The following SH3D21 variants were observed in gnomAD, a reference collection of about 807,000 sequenced individuals.
SH3D21 encodes manchette microtubule inner protein 1.
SH3D21 carries 83 observed loss-of-function variants against 82.1 expected under a neutral mutation model. The ratio of observed to expected loss-of-function variants is 1.01; its 90% CI spans 0.85 to 1.21. The LOEUF (loss-of-function observed/expected upper bound fraction) is 1.21, where lower values mean the gene tolerates loss of function less well. Ranked by LOEUF, SH3D21 falls within the 50% of genes most tolerant of loss-of-function variation. The pLI, the probability that SH3D21 is intolerant of heterozygous loss-of-function variation, is 0.00. For missense variants in SH3D21, 980 were observed against 962.1 expected, an observed-to-expected ratio of 1.02 and a Z score of -0.25; for synonymous variants, 383 against 387.8, an observed-to-expected ratio of 0.99 and a Z score of 0.15.
Position 36,307,227 on chromosome 1 carries a change from C to T in SH3D21, c.287C>T (p.Pro96Leu). 1 of 1,551,796 alleles carries T rather than the reference C, an allele frequency of 6.4e-7. No individual in the cohort carries two copies. The highest frequency in any genetic ancestry group is 8.7e-7 in the Non-Finnish European group (1 of 1,147,022). The stretch of plus-strand genomic sequence containing the variant: ...TGCAAAGTGAACTTCAGCTACAGCC[C>T]AGAGCAGGCGGACGAGCTGAAGCTG... Reference protein sequence around the residue: ...RWCKVNFSYSPEQADELKLQA... With the variant: ...RWCKVNFSYSLEQADELKLQA... The change falls in exon 4 of 16, where the codon CCA becomes CTA. Residue 96 changes from proline (P) to leucine (L), a missense_variant. By Grantham distance (98) the Pro-to-Leu change is moderately conservative (BLOSUM62 -3). Transcript: ENST00000453908. This position sits in a 1 kb window ranked among gnomAD's most constrained non-coding sequence, Gnocchi z 5.4.
intron 14 of SH3D21, 47 bp from the exon 15 acceptor site, chr1:36,320,868 C>T (rs969682863): frequency 2.0e-5 from 31 of 1,551,290 alleles, no homozygotes; most frequent in African/African-American, 4.1e-5. Flanking sequence ...AGCCCCTCAC[C>T]TCCAGCCCTC....
chr1:36,309,457 A>G, intron 9 of SH3D21, 91 bp from the exon 10 acceptor site: 1 of 1,453,228 alleles, frequency 6.9e-7, no homozygotes, highest in Non-Finnish European at 9.4e-7. Flanking sequence ...AAGTGCTGGG[A>G]TTATAGGTGT....
chr1:36,318,078 T>G (rs1646373945), intron 10 of SH3D21, among the ~76,000 whole-genome samples: 1 of 152,112 alleles, frequency 6.6e-6, no homozygotes, highest in South Asian at 2.1e-4. Flanking sequence ...CTAGAGCACT[T>G]AGTGGTGGAG....
At chr1:36,325,746 A>G (rs546710226), downstream of SH3D21, among the ~76,000 whole-genome samples, 11 of 152,246 alleles carry the variant, frequency 7.2e-5, no homozygotes, top group East Asian at 1.2e-3. Context: ...GGGTTTCACC[A>G]TGTTAGCCAG....
Position 36,319,708 on chromosome 1 carries a change from TCTGTGAAGAGAA to T in SH3D21, c.1047_1058del (p.Val350_Thr353del). 1 of 1,593,998 alleles carries T rather than the reference TCTGTGAAGAGAA, an allele frequency of 6.3e-7. No homozygotes were observed. The highest frequency in any genetic ancestry group is 1.8e-5 in the Admixed American group (1 of 56,640). ...GCACAGCAGCCCGGTAAAGGCCCCC[TCTGTGAAGAGAA>T]CCCCCATGCCGGACAAGACTGCCAC... is the stretch of plus-strand genomic sequence containing the variant. On this transcript the variant is annotated inframe_deletion, in exon 14 of 16. Coordinates refer to ENST00000453908, the MANE Select transcript of SH3D21 (RefSeq NM_001162530.2).
At position 36,307,663 on chromosome 1, in the gene SH3D21, GGCAT is replaced by G; in HGVS notation, c.436+58_436+61del. 6.5e-7 allele frequency: 1 copy of G among 1,543,710 alleles called. No individual in the cohort carries two copies. The highest frequency in any genetic ancestry group is 1.4e-5 in the African/African-American group (1 of 73,024). ...CGCAATCTCCAATGACCCTCCCAGT[GGCAT>G]GAGCCTGTGATTCACATATCCTGAC... On this transcript the variant is annotated intron_variant, in intron 5 of 15. Transcript: ENST00000453908. This position sits in a 1 kb window ranked among gnomAD's most constrained non-coding sequence, Gnocchi z 5.4.
At chr1:36,312,047 C>G (rs1387798386) in intron 10 of SH3D21, among the ~76,000 whole-genome samples, 1 of 151,492 alleles carries the variant, frequency 6.6e-6, no homozygotes, top group Non-Finnish European at 1.5e-5. Context: ...TTTTTTGAGA[C>G]AGAGTCTTGC....
At chr1:36,314,043 T>C (rs9633315) in intron 10 of SH3D21, among the ~76,000 whole-genome samples, 125,276 of 132,952 alleles carry the variant, frequency 0.94, 59,576 homozygotes, top group Middle Eastern at 1. Flanking sequence ...GGTGCGATCT[T>C]GGCTCACTGC....
intron 8 of SH3D21, 58 bp from the exon 9 acceptor site, chr1:36,308,331 C>G (rs1646172465): frequency 1.3e-6 from 2 of 1,517,240 alleles, no homozygotes; most frequent in Non-Finnish European, 1.8e-6. Context: ...GGAGTGGGAC[C>G]CCGGAAAGGA....
Position 36,319,575 on chromosome 1 carries a change from C to T in SH3D21, c.1011+39C>T, listed in dbSNP as rs755883262. 5 of 1,550,906 alleles carry T rather than the reference C, an allele frequency of 3.2e-6. No individual in the cohort carries two copies. The South Asian group carries it at 4.8e-5, about 15-fold the overall frequency. Reference sequence around the variant, plus strand: ...GACATGGGAGAGTGGGGATGCTGGGCAGAGGCTGGTTCCCAGCTGTGGTGT... The same window carrying T: ...GACATGGGAGAGTGGGGATGCTGGGTAGAGGCTGGTTCCCAGCTGTGGTGT... On this transcript the variant is annotated intron_variant, in intron 13 of 15. Coordinates refer to ENST00000453908, the MANE Select transcript of SH3D21 (RefSeq NM_001162530.2).
Position 36,308,200 on chromosome 1 carries a change from A to C in SH3D21, c.630A>C (p.Val210=). The C allele has an allele frequency of 6.5e-7, 1 of 1,539,686 alleles. No individual in the cohort carries two copies. The highest frequency in any genetic ancestry group is 8.8e-7 in the Non-Finnish European group (1 of 1,140,944). The change falls in exon 8 of 16, where the codon GTA becomes GTC. Residue 210 remains valine, a synonymous_variant. Coordinates refer to ENST00000453908, the MANE Select transcript of SH3D21 (RefSeq NM_001162530.2). ...LALRRGDVVK[V]LSKTTEDKGW... The stretch of plus-strand genomic sequence containing the variant: ...TGCGGAGGGGGGACGTGGTAAAAGT[A>C]CTCAGCAAGGTGTGAGACGAACAGG...
intron 10 of SH3D21, among the ~76,000 whole-genome samples, chr1:36,315,069 G>A (rs1436485254): frequency 6.6e-6 from 1 of 152,084 alleles, no homozygotes; most frequent in East Asian, 1.9e-4. Flanking sequence ...GAGGTCAGGA[G>A]TTTGAGAACA....
rs1212003506 is a variant in SH3D21 at position 36,315,191 on chromosome 1, G to A, written c.770-3880G>A. Among the ~76,000 whole-genome samples the A allele has an allele frequency of 4.6e-5, 7 of 151,866 alleles. No individual in the cohort carries two copies. The East Asian group carries it at 7.8e-4, about 17-fold the overall frequency. On this transcript the variant is annotated intron_variant, in intron 10 of 15. Coordinates refer to ENST00000453908, the MANE Select transcript of SH3D21 (RefSeq NM_001162530.2). ...TCTGGGAGGCTGAGGCACAAGAATC[G>A]CTTGAACCTGTGAGGTGGAGGTTGT... is the stretch of plus-strand genomic sequence containing the variant.
At position 36,306,473 on chromosome 1, in the gene SH3D21, G is replaced by C; in HGVS notation, c.4+49G>C. ...GCCTCTCTCTGCAACCGTGGACATA[G>C]CAAGAGCCCACACCACCCCCCGACC... On this transcript the variant is annotated intron_variant, in intron 1 of 15. Coordinates refer to ENST00000453908, the MANE Select transcript of SH3D21 (RefSeq NM_001162530.2). The surrounding 1 kb of genome is among the most constrained non-coding windows in gnomAD (Gnocchi z 4.5). The C allele has an allele frequency of 7.7e-7, 1 of 1,305,340 alleles. No individual in the cohort carries two copies. The highest frequency in any genetic ancestry group is 1.0e-6 in the Non-Finnish European group (1 of 988,952). The allele number at this position is 1,305,340 out of a possible 1,614,324, so 80.9% of individuals were successfully genotyped here. A position where few individuals can be genotyped will look rare whatever the true frequency, so the allele number is the denominator to read the frequency against.
At position 36,306,777 on chromosome 1, in the gene SH3D21, G is replaced by A. The variant is rs1646129951; in HGVS notation, c.162+22G>A. 1 of 1,291,426 alleles carries A rather than the reference G, an allele frequency of 7.7e-7. No homozygotes were observed. The allele number at this position is 1,291,426 out of a possible 1,614,324, so 80.0% of individuals were successfully genotyped here. On this transcript the variant is annotated intron_variant, in intron 2 of 15. Transcript: ENST00000453908. This position sits in a 1 kb window ranked among gnomAD's most constrained non-coding sequence, Gnocchi z 4.5. ...GCAGGTGAGGCCGAGCCAGGGGCGGGCTGTGGGGTCTCAGCGCGCGCCCCC... is the reference window on the plus strand; with the variant it reads ...GCAGGTGAGGCCGAGCCAGGGGCGGACTGTGGGGTCTCAGCGCGCGCCCCC...
chr1:36,319,731 G>A lies in SH3D21; in HGVS notation c.1068G>A (p.Pro356=), dbSNP rs758378073. The A allele has an allele frequency of 3.8e-5, 60 of 1,596,896 alleles. No homozygotes were observed. The highest frequency in any genetic ancestry group is 3.1e-4 in the African/African-American group (23 of 73,956). ...CCTCTGTGAAGAGAACCCCCATGCC[G>A]GACAAGACTGCCACCCCAGAGAGGC... The part of the protein sequence containing the change: ...KAPSVKRTPM[P]DKTATPERPP... The change falls in exon 14 of 16, where the codon CCG becomes CCA. Residue 356 remains proline (P), a synonymous_variant. Transcript: ENST00000453908.
At chr1:36,322,168 G>C (rs1222854986), downstream of SH3D21, 10 of 1,353,374 alleles carry the variant, frequency 7.4e-6, no homozygotes, top group African/African-American at 1.5e-5. Flanking sequence ...CCTCTCAGGG[G>C]GTGGCGGTCC....
rs1406320835 is a variant in SH3D21, at chr1:36,307,586, T to C, written c.415T>C (p.Leu139=). 3.2e-6 allele frequency: 5 copies of C among 1,551,624 alleles called. No homozygotes were observed. The South Asian group carries it at 4.8e-5, about 15-fold the overall frequency. ...LGAFPSNFVE[L]LDSGPPSLGN... is the part of the protein sequence containing the mutation. Reference sequence around the variant, plus strand: ...AGCCTTCCCATCCAACTTTGTGGAATTGCTGGACAGTGGGCCCCCAAGTGA... The same window carrying C: ...AGCCTTCCCATCCAACTTTGTGGAACTGCTGGACAGTGGGCCCCCAAGTGA... Residue 139 remains leucine, a synonymous_variant, in exon 5 of 16, where the codon TTG becomes CTG. Transcript: ENST00000453908. The surrounding 1 kb of genome is among the most constrained non-coding windows in gnomAD (Gnocchi z 5.4).
At chr1:36,322,841 G>A, downstream of SH3D21, 1 of 1,491,590 alleles carries the variant, frequency 6.7e-7, no homozygotes, top group East Asian at 2.3e-5. Flanking sequence ...TACTCGAAGG[G>A]CATTAGGGAA....
Sources: allele counts gnomAD v4.1 joint callset (sites outside exome capture counted in the v4.1 genomes callset), GRCh38; gene constraint gnomAD v4.1.1; non-coding constraint Gnocchi (gnomAD v3.1); transcripts MANE v1.5; gene names NCBI Gene and HGNC (gene_info 2026-07-23, HGNC 2026-07-21).